The following ZEB2 variants were observed in gnomAD, a reference collection of about 807,000 sequenced individuals.
ZEB2 encodes the protein zinc finger E-box binding homeobox 2, also known as zinc finger E-box-binding homeobox 2.
ZEB2 carries 6 observed loss-of-function variants against 99.9 expected under a neutral mutation model. The observed-to-expected ratio is 0.06, with a 90% CI of 0.03 to 0.12. The LOEUF (loss-of-function observed/expected upper bound fraction) is 0.12. Among genes scored for constraint, ZEB2 ranks in the 10% least tolerant of loss-of-function variants. The pLI, the probability that ZEB2 is intolerant of heterozygous loss-of-function variation, is 1.00. For synonymous variants in ZEB2, 517 were observed against 542.5 expected (o/e 0.95, Z 0.65); for missense variants, 969 against 1,502.8 (o/e 0.64, Z 5.87).
intron 2 of ZEB2, among the ~76,000 whole-genome samples, chr2:144,516,925 CGGCCGGAGACCCGGCG>C (rs1372469937): frequency 6.6e-6 from 1 of 151,372 alleles, no homozygotes; most frequent in African/African-American, 2.4e-5. Flanking sequence ...TCCCGAAGCC[CGGCCGGAGACCCGGCG>C]GGCCGGGCGC....
At chr2:144,491,717 A>C (rs1704684468) in intron 2 of ZEB2, among the ~76,000 whole-genome samples, 1 of 152,232 alleles carries the variant, frequency 6.6e-6, no homozygotes, top group African/African-American at 2.4e-5. Context: ...TAAGGCAGTA[A>C]TTAATTCACT....
chr2:144,452,293 T>G (rs1704064085), intron 2 of ZEB2, among the ~76,000 whole-genome samples: 1 of 152,024 alleles, frequency 6.6e-6, no homozygotes, highest in Admixed American at 6.6e-5. Context: ...CACAAATCTG[T>G]ATGATAATTC....
chr2:144,444,155 G>A (rs1205165883), intron 2 of ZEB2, among the ~76,000 whole-genome samples: 1 of 152,194 alleles, frequency 6.6e-6, no homozygotes, highest in African/African-American at 2.4e-5. Context: ...CATCTGATCT[G>A]ATAGTCGTAG....
chr2:144,514,806 T>A (rs1023995739), intron 2 of ZEB2, among the ~76,000 whole-genome samples: 2 of 152,238 alleles, frequency 1.3e-5, no homozygotes, highest in African/African-American at 4.8e-5. Context: ...TGATATTAAG[T>A]GTGCAGGATC....
At chr2:144,462,917 G>A (rs1232537046) in intron 2 of ZEB2, 1 of 152,178 alleles carries the variant, frequency 6.6e-6, no homozygotes, top group Non-Finnish European at 1.5e-5. Flanking sequence ...CAGTTTATAG[G>A]AGTATTGTAT....
chr2:144,427,895 C>T (rs994122820), intron 3 of ZEB2: 1 of 152,180 alleles, frequency 6.6e-6, no homozygotes, highest in African/African-American at 2.4e-5. Flanking sequence ...CAGGTGATAA[C>T]AGGGTCTGCA....
At chr2:144,513,593 G>A (rs1230579274) in intron 2 of ZEB2, 4 of 1,529,382 alleles carry the variant, frequency 2.6e-6, no homozygotes, top group Non-Finnish European at 2.6e-6. Context: ...ATTTTTCAGA[G>A]GCTGATGCTG....
chr2:144,416,987 TTTA>T (rs1223769087), intron 4 of ZEB2, among the ~76,000 whole-genome samples: 2 of 152,244 alleles, frequency 1.3e-5, no homozygotes, highest in East Asian at 3.8e-4. Flanking sequence ...TGATAGCGCA[TTTA>T]TTATGCGCTA....
intron 2 of ZEB2, among the ~76,000 whole-genome samples, chr2:144,458,415 A>G (rs1704149406): frequency 6.6e-6 from 1 of 152,090 alleles, no homozygotes; most frequent in East Asian, 1.9e-4. Context: ...CTAAGAATAC[A>G]TTGAGAGAGG....
At position 144,406,486 on chromosome 2, in the gene ZEB2, A is replaced by AAGAAGCATGAAGTTAACTAAATGT. The variant is rs544278880; in HGVS notation, c.404-1486_404-1463dup. Among the ~76,000 whole-genome samples the AAGAAGCATGAAGTTAACTAAATGT allele has an allele frequency of 1.7e-3, 263 of 152,350 alleles. 1 individual carries two copies. The highest frequency in any genetic ancestry group is 0.01 in the Middle Eastern group (3 of 294). On this transcript the variant is annotated intron_variant, in intron 4 of 9. Transcript: ENST00000627532. ...TAGAAGATCAGGAAGGTCTTAACTG[A>AAGAAGCATGAAGTTAACTAAATGT]AGAAGCATGAAGTTAACTAAATGTA...
At chr2:144,513,510 C>CA in intron 2 of ZEB2, 1 of 1,526,592 alleles carries the variant, frequency 6.6e-7, no homozygotes, top group South Asian at 1.2e-5. Flanking sequence ...CTTTAAAAGA[C>CA]AACTTCATTT....
rs201954500 is a variant in ZEB2 at position 144,390,300 on chromosome 2, C to T, written c.3068-272G>A. 3.7e-4 allele frequency among the ~76,000 whole-genome samples: 56 copies of T among 152,290 alleles called. 3 individuals carry two copies. In the East Asian group the frequency reaches 4.2e-3, roughly 12 times the overall value. On this transcript the variant is annotated intron_variant, in intron 9 of 9. Transcript: ENST00000627532. ...TTCTCAGACAGGAAGCTTTCCATTGCTAATTGTCTCATTTTAAAACTTGGA... is the reference window on the plus strand; with the variant it reads ...TTCTCAGACAGGAAGCTTTCCATTGTTAATTGTCTCATTTTAAAACTTGGA...
At chr2:144,411,055 G>GTC (rs1349038984) in intron 4 of ZEB2, among the ~76,000 whole-genome samples, 1 of 30,448 alleles carries the variant, frequency 3.3e-5, no homozygotes, top group Non-Finnish European at 6.2e-5. Context: ...ATACAGACAT[G>GTC]TCTATATATA....
intron 2 of ZEB2, among the ~76,000 whole-genome samples, chr2:144,440,480 A>C (rs1231905041): frequency 7.4e-6 from 1 of 135,014 alleles, no homozygotes; most frequent in Non-Finnish European, 1.5e-5. Context: ...CAGTACCCAA[A>C]AGCAGTATAT....
intron 2 of ZEB2, among the ~76,000 whole-genome samples, chr2:144,435,719 G>A (rs1703828300): frequency 6.6e-6 from 1 of 152,064 alleles, no homozygotes; most frequent in African/African-American, 2.4e-5. Flanking sequence ...AAGGCCTTGT[G>A]GGCCTGCTTT....
At chr2:144,469,506 A>G (rs1278190563) in intron 2 of ZEB2, among the ~76,000 whole-genome samples, 2 of 152,138 alleles carry the variant, frequency 1.3e-5, no homozygotes, top group Non-Finnish European at 2.9e-5. Context: ...AGCCCATAAC[A>G]GGCTTTTTTT....
chr2:144,492,791 G>A (rs941730330), intron 2 of ZEB2, among the ~76,000 whole-genome samples: 2 of 152,196 alleles, frequency 1.3e-5, no homozygotes, highest in African/African-American at 2.4e-5. Context: ...TAATATGGTG[G>A]TAGGGAATCT....
intron 2 of ZEB2, among the ~76,000 whole-genome samples, chr2:144,474,330 A>G (rs1174402590): frequency 3.3e-5 from 5 of 152,282 alleles, no homozygotes; most frequent in Admixed American, 3.3e-4. Context: ...AAAGAATGTC[A>G]ATGATGCTAA....
intron 2 of ZEB2, chr2:144,463,671 A>G (rs995754937): frequency 6.6e-6 from 1 of 151,906 alleles, no homozygotes; most frequent in Non-Finnish European, 1.5e-5. Context: ...TCTACAAAAA[A>G]TAAAAAAAAA....
Sources: allele counts gnomAD v4.1 joint callset (sites outside exome capture counted in the v4.1 genomes callset), GRCh38; gene constraint gnomAD v4.1.1; transcripts MANE v1.5; gene names NCBI Gene and HGNC (gene_info 2026-07-23, HGNC 2026-07-21).